TNXB: variants seen among roughly 807,000 people sequenced by gnomAD.
The protein encoded by TNXB is tenascin XB.
A neutral mutation model predicts 340.5 loss-of-function variants in TNXB; 183 were observed. The observed-to-expected ratio is 0.54, with a 90% CI of 0.48 to 0.61. The LOEUF is 0.61. Among genes scored for constraint, TNXB ranks in the 20% least tolerant of loss-of-function variants. The pLI is 0.00. For synonymous variants in TNXB, 2,121 were observed against 2,314.5 expected (o/e 0.92, Z 2.40); for missense variants, 4,613 against 5,446.4 (o/e 0.85, Z 4.82).
chr6:32,063,055 GA>G (rs1487007273), intron 19 of TNXB, among the ~76,000 whole-genome samples: 2 of 150,724 alleles, frequency 1.3e-5, no homozygotes, highest in Admixed American at 1.3e-4. Flanking sequence ...TCCTTCTCAA[GA>G]AAAAAACAAA....
chr6:32,068,717 G>A lies in TNXB; in HGVS notation c.5903-10C>T. 1 of 1,610,398 alleles carries A rather than the reference G, an allele frequency of 6.2e-7. No homozygotes were observed. ...TTCTCCTCCTCCGGGACTGGACAGAGACATGGAAAGAGAGGACTGAGGTGG... is the reference window on the plus strand; with the variant it reads ...TTCTCCTCCTCCGGGACTGGACAGAAACATGGAAAGAGAGGACTGAGGTGG... On this transcript the variant is annotated splice_polypyrimidine_tract_variant and intron_variant, in intron 16 of 43. Coordinates refer to ENST00000644971, the MANE Select transcript of TNXB (RefSeq NM_001365276.2). The surrounding 1 kb of genome is among the most constrained non-coding windows in gnomAD (Gnocchi z 5.3).
intron 18 of TNXB, 123 bp from the exon 19 acceptor site, chr6:32,065,240 T>A (rs1436726123): frequency 2.3e-6 from 2 of 876,236 alleles, no homozygotes; most frequent in Non-Finnish European, 3.4e-6. Flanking sequence ...GATTTCTGAT[T>A]ATAATCATAA....
chr6:32,054,540 C>T (rs1777515290), intron 24 of TNXB, among the ~76,000 whole-genome samples: 1 of 152,254 alleles, frequency 6.6e-6, no homozygotes, highest in Non-Finnish European at 1.5e-5. Flanking sequence ...ACATGCTTCA[C>T]TTCCTCTCCA....
At position 32,042,587 on chromosome 6, in the gene TNXB, G is replaced by A; in HGVS notation, c.12078C>T (p.Phe4026=). The change falls in exon 40 of 44, where the codon TTC becomes TTT. Residue 4026 remains phenylalanine (F), a synonymous_variant. Coordinates refer to ENST00000644971, the MANE Select transcript of TNXB (RefSeq NM_001365276.2). The part of the protein sequence containing the change: ...SFTTGGLRIP[F]PRDCGEEMQN... ...GCATCTCCTCCCCGCAGTCCCTGGG[G>A]AAGGGGATCCGCAGCCCACCTGGGA... is the stretch of plus-strand genomic sequence containing the variant. 2 of 1,586,614 alleles carry A rather than the reference G, an allele frequency of 1.3e-6. No homozygotes were observed. Among genetic ancestry groups the A allele is most frequent in the Non-Finnish European group, 8.6e-7 (1 of 1,165,970 alleles).
chr6:32,099,013 C>T (rs546855821), intron 1 of TNXB, among the ~76,000 whole-genome samples: 3 of 152,244 alleles, frequency 2.0e-5, no homozygotes, highest in South Asian at 2.1e-4. Context: ...TACTTATTAC[C>T]TTTCTCTCAA....
chr6:32,084,437 G>A lies in TNXB; in HGVS notation c.3421C>T (p.Pro1141Ser). The A allele has an allele frequency of 6.3e-7, 1 of 1,595,522 alleles. No homozygotes were observed. The change falls in exon 8 of 44, where the codon CCG (proline) becomes TCG (serine). Residue 1141 changes from proline to serine, a missense_variant. By Grantham distance (74) the Pro-to-Ser change is moderately conservative (BLOSUM62 -1). This residue lies in a region of TNXB where 4,327 missense variants were observed against 4,859.4 expected (regional missense o/e 0.89). Transcript: ENST00000644971. This position sits in a 1 kb window ranked among gnomAD's most constrained non-coding sequence, Gnocchi z 5.5. Reference sequence around the variant, plus strand: ...CAGATCTTGGCTTCAGCCACCAGCGGACCATGCCTCTTCTTGCCAACAAAC... The same window carrying A: ...CAGATCTTGGCTTCAGCCACCAGCGAACCATGCCTCTTCTTGCCAACAAAC... ...YGFVGKKRHG[P>S]LVAEAKILPQ...
intron 1 of TNXB, among the ~76,000 whole-genome samples, chr6:32,099,389 T>C (rs1166506482): frequency 2.0e-5 from 3 of 152,090 alleles, no homozygotes; most frequent in Non-Finnish European, 4.4e-5. Context: ...CCCACCTCCA[T>C]GCCCAGCTAA....
intron 34 of TNXB, 36 bp downstream of exon 34, chr6:32,043,971 A>G: frequency 6.2e-7 from 1 of 1,607,558 alleles, no homozygotes; most frequent in African/African-American, 1.4e-5. Flanking sequence ...GGGGGAGAGG[A>G]AATGCGAGGC....
At chr6:32,101,709 G>A (rs1049282909) in intron 1 of TNXB, among the ~76,000 whole-genome samples, 1 of 151,262 alleles carries the variant, frequency 6.6e-6, no homozygotes, top group Non-Finnish European at 1.5e-5. Context: ...TACAGGCATG[G>A]GCCACCACAC....
Position 32,082,271 on chromosome 6 carries a change from C to T in TNXB, c.3501G>A (p.Val1167=). ...GCAGTGAATCTGGGGTAGGGTCTGTCACCCACAGGTTTCCCAGGTGGGGTG... is the reference window on the plus strand; with the variant it reads ...GCAGTGAATCTGGGGTAGGGTCTGTTACCCACAGGTTTCCCAGGTGGGGTG... The part of the protein sequence containing the change: ...GTPPHLGNLW[V]TDPTPDSLHL... Residue 1167 remains valine, a synonymous_variant, in exon 9 of 44, where the codon GTG becomes GTA. Coordinates refer to ENST00000644971, the MANE Select transcript of TNXB (RefSeq NM_001365276.2). The surrounding 1 kb of genome is among the most constrained non-coding windows in gnomAD (Gnocchi z 5.0). The T allele has an allele frequency of 2.5e-6, 4 of 1,605,268 alleles. No individual in the cohort carries two copies. Among genetic ancestry groups the T allele is most frequent in the Non-Finnish European group, 3.4e-6 (4 of 1,176,006 alleles).
chr6:32,070,455 A>C lies in TNXB; in HGVS notation c.4991-41T>G. 6.6e-7 allele frequency: 1 copy of C among 1,505,924 alleles called. No individual in the cohort carries two copies. The highest frequency in any genetic ancestry group is 8.9e-7 in the Non-Finnish European group (1 of 1,123,410). 93.3% of individuals were successfully genotyped at this position (1,505,924 alleles called of 1,614,324 possible). On this transcript the variant is annotated intron_variant, in intron 13 of 43. Transcript: ENST00000644971. This position sits in a 1 kb window ranked among gnomAD's most constrained non-coding sequence, Gnocchi z 6.0. ...TCTTGTGTTTATTTTTTCCAAAACG[A>C]CTCCTTGACTGCCTCCCTCTGGGGC...
Position 32,087,011 on chromosome 6 carries a change from G to C in TNXB, c.2780-893C>G, listed in dbSNP as rs536747819. Among the ~76,000 whole-genome samples, 1 of 152,350 alleles carries C rather than the reference G, an allele frequency of 6.6e-6. No homozygotes were observed. Among genetic ancestry groups the C allele is most frequent in the African/African-American group, 2.4e-5 (1 of 41,576 alleles). On this transcript the variant is annotated intron_variant, in intron 6 of 43. Coordinates refer to ENST00000644971, the MANE Select transcript of TNXB (RefSeq NM_001365276.2). The surrounding 1 kb of genome is among the most constrained non-coding windows in gnomAD (Gnocchi z 9.0). ...AAGTGTCCCGGGAAACCCCAAAGAAGGCGCTGCCTTGACCTTAGGCATCCA... is the reference window on the plus strand; with the variant it reads ...AAGTGTCCCGGGAAACCCCAAAGAACGCGCTGCCTTGACCTTAGGCATCCA...
In TNXB at chr6:32,095,730, C is replaced by T. The variant is rs755223032; in HGVS notation, c.2123G>A (p.Gly708Asp). ...CRAGQCVCVE[G>D]FRGPDCAIQT... is the part of the protein sequence containing the mutation. ...GATGGCACAGTCAGGGCCTCGGAAG[C>T]CCTCTACACACACACACTGGCCTGC... Residue 708 changes from glycine to aspartate, a missense_variant, in exon 3 of 44, where the codon GGC becomes GAC. Around this residue, in one of 7 missense-constraint regions of TNXB, gnomAD observed 4,327 missense variants for 4,859.4 expected, o/e 0.89. Coordinates refer to ENST00000644971, the MANE Select transcript of TNXB (RefSeq NM_001365276.2). The T allele has an allele frequency of 2.5e-6, 4 of 1,614,002 alleles. No homozygotes were observed. Among genetic ancestry groups the T allele is most frequent in the Non-Finnish European group, 1.7e-6 (2 of 1,179,878 alleles).
Position 32,051,716 on chromosome 6 carries a change from C to T in TNXB, c.9115+954G>A, listed in dbSNP as rs1010932783. Among the ~76,000 whole-genome samples, 1 of 151,496 alleles carries T rather than the reference C, an allele frequency of 6.6e-6. No homozygotes were observed. The highest frequency in any genetic ancestry group is 2.4e-5 in the African/African-American group (1 of 41,212). On this transcript the variant is annotated intron_variant, in intron 26 of 43. Transcript: ENST00000644971. This position sits in a 1 kb window ranked among gnomAD's most constrained non-coding sequence, Gnocchi z 4.7. Reference sequence around the variant, plus strand: ...GCCAGGAGTTTGAGACCAGCCTGGGCAACATACCGAGACCCCCATTGCCAC... The same window carrying T: ...GCCAGGAGTTTGAGACCAGCCTGGGTAACATACCGAGACCCCCATTGCCAC...
At position 32,046,485 on chromosome 6, in the gene TNXB, A is replaced by T. The variant is rs1409966662; in HGVS notation, c.10325-29T>A. On this transcript the variant is annotated intron_variant, in intron 30 of 43. Transcript: ENST00000644971. The surrounding 1 kb of genome is among the most constrained non-coding windows in gnomAD (Gnocchi z 6.9). ...TGCAGAGGGAGGAGGGAAAGCTCTT[A>T]GTCACATGCTGCCTTTGCCTAAGCC... The T allele has an allele frequency of 6.5e-7, 1 of 1,533,296 alleles. No individual in the cohort carries two copies. 95.0% of individuals were successfully genotyped at this position (1,533,296 alleles called of 1,614,324 possible).
Position 32,049,204 on chromosome 6 carries a change from C to T in TNXB, c.9757+66G>A. 2 of 1,529,164 alleles carry T rather than the reference C, an allele frequency of 1.3e-6. No homozygotes were observed. Among genetic ancestry groups the T allele is most frequent in the Non-Finnish European group, 1.8e-6 (2 of 1,138,298 alleles). The allele number at this position is 1,529,164 out of a possible 1,614,324, so 94.7% of individuals were successfully genotyped here. A position where few individuals can be genotyped will look rare whatever the true frequency, so the allele number is the denominator to read the frequency against. The stretch of plus-strand genomic sequence containing the variant: ...GCCCAGTCAAAAGAGGTGCCAAGAT[C>T]CAAAGGAGAAACACAAGGGGGCTGC... On this transcript the variant is annotated intron_variant, in intron 28 of 43. Transcript: ENST00000644971. This position sits in a 1 kb window ranked among gnomAD's most constrained non-coding sequence, Gnocchi z 4.5.
In TNXB at chr6:32,072,987, A is replaced by G. The variant is rs950007242; in HGVS notation, c.4681+660T>C. ...AAGAAATATTTTGATAACTGTCTATAAATATAATGTTTCCTTTGTAATCCT... is the reference window on the plus strand; with the variant it reads ...AAGAAATATTTTGATAACTGTCTATGAATATAATGTTTCCTTTGTAATCCT... On this transcript the variant is annotated intron_variant, in intron 12 of 43. Transcript: ENST00000644971. The surrounding 1 kb of genome is among the most constrained non-coding windows in gnomAD (Gnocchi z 4.4). 2.6e-5 allele frequency among the ~76,000 whole-genome samples: 4 copies of G among 152,202 alleles called. No homozygotes were observed. Among genetic ancestry groups the G allele is most frequent in the African/African-American group, 4.8e-5 (2 of 41,452 alleles).
intron 1 of TNXB, among the ~76,000 whole-genome samples, chr6:32,106,141 G>T (rs531106142): frequency 4.7e-5 from 7 of 149,992 alleles, no homozygotes; most frequent in African/African-American, 1.2e-4. Flanking sequence ...TGGGGGGGGG[G>T]GCTTCTGGGG....
At chr6:32,077,276 ACTCAGGG>A (rs1241376783) in intron 11 of TNXB, among the ~76,000 whole-genome samples, 2 of 152,144 alleles carry the variant, frequency 1.3e-5, no homozygotes, top group Non-Finnish European at 2.9e-5. Context: ...AAGGACAGCC[ACTCAGGG>A]TGGCTTTGCC....
Sources: allele counts gnomAD v4.1 joint callset (sites outside exome capture counted in the v4.1 genomes callset), GRCh38; gene constraint gnomAD v4.1.1; regional missense constraint gnomAD v4.1.1; non-coding constraint Gnocchi (gnomAD v3.1); transcripts MANE v1.5; gene names NCBI Gene and HGNC (gene_info 2026-07-23, HGNC 2026-07-21).